SVOPL: variants seen among roughly 807,000 people sequenced by gnomAD.
SVOPL encodes putative transporter SVOPL.
In SVOPL, 60 loss-of-function variants were observed where a neutral mutation model predicts 61.0. The ratio of observed to expected loss-of-function variants is 0.98; its 90% CI spans 0.80 to 1.22. SVOPL has a LOEUF of 1.22. Among genes scored for constraint, SVOPL ranks in the 50% most tolerant of loss-of-function variants. The pLI is 0.00. For missense variants in SVOPL, 662 were observed against 643.9 expected (o/e 1.03, Z -0.30); for synonymous variants, 279 against 250.0 (o/e 1.12, Z -1.09).
At chr7:138,660,176 G>A (rs1000782308) in intron 5 of SVOPL, 188 bp from the exon 6 acceptor site, 2 of 1,364,418 alleles carry the variant, frequency 1.5e-6, no homozygotes, top group Non-Finnish European at 1.9e-6. Flanking sequence ...CTGTCTGGAA[G>A]CCCAGACCTA....
At chr7:138,671,537 G>A (rs1047092439) in intron 4 of SVOPL, among the ~76,000 whole-genome samples, 22 of 152,100 alleles carry the variant, frequency 1.4e-4, no homozygotes, top group African/African-American at 5.3e-4. Context: ...TAGTAGAGAC[G>A]GGGTTTCACC....
chr7:138,696,960 C>T (rs968415185), intron 1 of SVOPL, among the ~76,000 whole-genome samples: 6 of 152,150 alleles, frequency 3.9e-5, no homozygotes, highest in South Asian at 2.1e-4. Flanking sequence ...GACCTGGAGA[C>T]GATCAAATGA....
chr7:138,688,783 T>A (rs934314730), intron 1 of SVOPL, among the ~76,000 whole-genome samples: 1 of 152,204 alleles, frequency 6.6e-6, no homozygotes, highest in East Asian at 1.9e-4. Flanking sequence ...GTTCCACTCC[T>A]AGGTATAACC....
intron 1 of SVOPL, among the ~76,000 whole-genome samples, chr7:138,682,944 G>A (rs916958007): frequency 4.3e-5 from 6 of 141,058 alleles, no homozygotes; most frequent in African/African-American, 1.7e-4. Context: ...CCCCAGCCTG[G>A]GCGACAAGAG....
At chr7:138,656,121 C>T (rs766282614) in intron 7 of SVOPL, among the ~76,000 whole-genome samples, 1 of 152,146 alleles carries the variant, frequency 6.6e-6, no homozygotes, top group Non-Finnish European at 1.5e-5. Flanking sequence ...AACACTGAGG[C>T]AAGAACTTCT....
intron 9 of SVOPL, among the ~76,000 whole-genome samples, chr7:138,636,654 A>T (rs1800483206): frequency 6.6e-6 from 1 of 151,856 alleles, no homozygotes; most frequent in African/African-American, 2.4e-5. Flanking sequence ...TATTTTTAGT[A>T]AAGACAGAGT....
At chr7:138,658,761 A>G (rs1293895952) in intron 6 of SVOPL, among the ~76,000 whole-genome samples, 1 of 152,196 alleles carries the variant, frequency 6.6e-6, no homozygotes, top group South Asian at 2.1e-4. Flanking sequence ...AGCATTAAAT[A>G]AGCAGCTATC....
intron 3 of SVOPL, among the ~76,000 whole-genome samples, chr7:138,674,713 G>A (rs1455232854): frequency 6.6e-6 from 1 of 152,056 alleles, no homozygotes; most frequent in African/African-American, 2.4e-5. Flanking sequence ...AAAATTAGCT[G>A]GGCGTGGTGG....
At chr7:138,646,517 T>C (rs1327734306) in intron 8 of SVOPL, 1 of 147,774 alleles carries the variant, frequency 6.8e-6, no homozygotes, top group African/African-American at 2.7e-5. Context: ...TTTGTTGTTG[T>C]TGGTTTTTTG....
intron 14 of SVOPL, among the ~76,000 whole-genome samples, chr7:138,606,907 T>TC (rs1273559133): frequency 6.6e-6 from 1 of 151,858 alleles, no homozygotes; most frequent in East Asian, 1.9e-4. Context: ...TGTGCTGGGA[T>TC]CATACCATTG....
At chr7:138,686,633 C>G (rs990479665) in intron 1 of SVOPL, among the ~76,000 whole-genome samples, 2 of 142,978 alleles carry the variant, frequency 1.4e-5, no homozygotes, top group Admixed American at 1.4e-4. Context: ...TGGCGTGGTC[C>G]TGGCTCACCG....
intron 9 of SVOPL, among the ~76,000 whole-genome samples, chr7:138,639,344 CG>C (rs1242888168): frequency 1.3e-4 from 19 of 147,622 alleles, no homozygotes; most frequent in Admixed American, 9.5e-4. Flanking sequence ...AAAAGAATAT[CG>C]GCTGGGCACA....
chr7:138,613,665 C>T (rs1432301777), intron 14 of SVOPL, among the ~76,000 whole-genome samples: 27 of 152,236 alleles, frequency 1.8e-4, no homozygotes, highest in Non-Finnish European at 4.4e-5. Context: ...TACTCATTAC[C>T]ATAGTACCTC....
At chr7:138,641,208 C>T (rs1425071114) in intron 9 of SVOPL, among the ~76,000 whole-genome samples, 1 of 123,728 alleles carries the variant, frequency 8.1e-6, no homozygotes, top group Non-Finnish European at 1.6e-5. Flanking sequence ...CAAAAAATAA[C>T]TCAATAAAAG....
At chr7:138,612,424 T>TAAAAAAAAAAAAAAAAAAAAAAAAAAA (rs1281500368) in intron 14 of SVOPL, among the ~76,000 whole-genome samples, 1 of 41,198 alleles carries the variant, frequency 2.4e-5, no homozygotes, top group Non-Finnish European at 5.2e-5. Flanking sequence ...AAAAAAAAAA[T>TAAAAAAAAAAAAAAAAAAAAAAAAAAA]AAAATAAAAA....
intron 1 of SVOPL, among the ~76,000 whole-genome samples, chr7:138,697,216 A>C (rs913732362): frequency 3.4e-4 from 51 of 152,136 alleles, no homozygotes; most frequent in African/African-American, 1.1e-3. Context: ...TACAAAAATA[A>C]TACTACTACT....
At chr7:138,691,315 CAAT>C (rs1205310979) in intron 1 of SVOPL, among the ~76,000 whole-genome samples, 1 of 152,114 alleles carries the variant, frequency 6.6e-6, no homozygotes. Flanking sequence ...AAATGCTTAA[CAAT>C]GAGTTCAGTC....
At chr7:138,641,926 TACACAC>T (rs34233604) in intron 9 of SVOPL, among the ~76,000 whole-genome samples, 60 of 146,046 alleles carry the variant, frequency 4.1e-4, no homozygotes, top group African/African-American at 1.4e-3. Context: ...TGTATGTGTA[TACACAC>T]ACACACACAC....
chr7:138,695,615 G>T (rs1369975552), intron 1 of SVOPL, among the ~76,000 whole-genome samples: 1 of 152,150 alleles, frequency 6.6e-6, no homozygotes, highest in African/African-American at 2.4e-5. Flanking sequence ...TGAGTCTTGA[G>T]ACCTGGGGGG....
Sources: gnomAD v4.1 joint callset for allele counts (sites outside exome capture counted in the v4.1 genomes callset) on GRCh38, gnomAD v4.1.1 for gene constraint, MANE v1.5 for transcripts, NCBI Gene and HGNC (gene_info 2026-07-23, HGNC 2026-07-21) for gene names.